The following CNTNAP4 variants were observed in gnomAD, a reference collection of about 807,000 sequenced individuals.
The protein encoded by CNTNAP4 is contactin associated protein family member 4.
In CNTNAP4, 98 loss-of-function variants were observed where a neutral mutation model predicts 148.4. The ratio of observed to expected loss-of-function variants is 0.66; its 90% CI spans 0.56 to 0.78. CNTNAP4 has a LOEUF of 0.78. CNTNAP4 is among the 30% of genes least tolerant of loss of function. The probability of loss-of-function intolerance (pLI) is 0.00; values close to 1 mark genes in which losing one functional copy is unlikely to be tolerated. For synonymous variants in CNTNAP4, 730 were observed against 565.1 expected (o/e 1.29, Z -4.14); for missense variants, 1,935 against 1,565.6 (o/e 1.24, Z -3.98).
intron 10 of CNTNAP4, among the ~76,000 whole-genome samples, chr16:76,470,786 G>A (rs749364640): frequency 6.6e-6 from 1 of 151,882 alleles, no homozygotes; most frequent in South Asian, 2.1e-4. Flanking sequence ...ACAGATAAAG[G>A]TGTAAATACA....
intron 3 of CNTNAP4, among the ~76,000 whole-genome samples, chr16:76,406,539 T>C (rs1011971794): frequency 2.0e-5 from 3 of 152,006 alleles, no homozygotes; most frequent in African/African-American, 7.2e-5. Context: ...AGCAGAAAGC[T>C]AGGCTTCTTG....
chr16:76,475,510 T>C (rs1016474921), intron 10 of CNTNAP4, among the ~76,000 whole-genome samples: 1 of 152,210 alleles, frequency 6.6e-6, no homozygotes, highest in African/African-American at 2.4e-5. Context: ...TTCCTAGAAG[T>C]ATACCTCAAG....
chr16:76,389,014 A>G (rs979093519), intron 3 of CNTNAP4, among the ~76,000 whole-genome samples: 1 of 152,256 alleles, frequency 6.6e-6, no homozygotes, highest in Non-Finnish European at 1.5e-5. Context: ...AATTAATGTT[A>G]TATATGACTA....
chr16:76,539,708 C>A lies in CNTNAP4; in HGVS notation c.3221-11C>A. 1 of 1,570,008 alleles carries A rather than the reference C, an allele frequency of 6.4e-7. No individual in the cohort carries two copies. Among genetic ancestry groups the A allele is most frequent in the Admixed American group, 2.1e-5 (1 of 48,642 alleles). ...TTTTACTAAAAGAATCACAATTTTT[C>A]CCCACTCTAGGAAGTTTGCAGATCA... is the stretch of plus-strand genomic sequence containing the variant. On this transcript the variant is annotated splice_polypyrimidine_tract_variant and intron_variant, in intron 19 of 23. Coordinates refer to ENST00000611870, the MANE Select transcript of CNTNAP4 (RefSeq NM_033401.5).
chr16:76,415,644 A>G (rs965353502), intron 3 of CNTNAP4, among the ~76,000 whole-genome samples: 1 of 150,808 alleles, frequency 6.6e-6, no homozygotes, highest in African/African-American at 2.4e-5. Flanking sequence ...ACACCTGTTT[A>G]ACCCCACAAA....
chr16:76,290,726 C>T (rs1462027245), intron 1 of CNTNAP4, among the ~76,000 whole-genome samples: 1 of 152,224 alleles, frequency 6.6e-6, no homozygotes, highest in African/African-American at 2.4e-5. Flanking sequence ...AAGCTTCACT[C>T]CTTCCCGATG....
intron 1 of CNTNAP4, among the ~76,000 whole-genome samples, chr16:76,280,414 A>G (rs1386476577): frequency 6.6e-6 from 1 of 152,194 alleles, no homozygotes; most frequent in East Asian, 1.9e-4. Context: ...GTATATGTGT[A>G]TGTAGATATC....
At chr16:76,321,279 AG>A (rs1248928061) in intron 2 of CNTNAP4, among the ~76,000 whole-genome samples, 1 of 152,242 alleles carries the variant, frequency 6.6e-6, no homozygotes, top group Non-Finnish European at 1.5e-5. Context: ...GATCTCTATA[AG>A]AATAATTATA....
intron 17 of CNTNAP4, among the ~76,000 whole-genome samples, chr16:76,529,867 G>GTGTGTT (rs1555595447): frequency 6.6e-6 from 1 of 151,922 alleles, no homozygotes; most frequent in African/African-American, 2.4e-5. Flanking sequence ...GTGTGTGTGT[G>GTGTGTT]TGTGTAAACA....
intron 17 of CNTNAP4, among the ~76,000 whole-genome samples, chr16:76,530,389 A>T (rs1418197889): frequency 6.6e-6 from 1 of 152,156 alleles, no homozygotes; most frequent in African/African-American, 2.4e-5. Flanking sequence ...GATTAGCCTA[A>T]GACGCCCCGA....
rs530507846 is a variant in CNTNAP4, at chr16:76,465,162, C to G, written c.1484-2190C>G. 2.6e-5 allele frequency among the ~76,000 whole-genome samples: 4 copies of G among 152,288 alleles called. No individual in the cohort carries two copies. In the East Asian group the frequency reaches 7.7e-4, roughly 29 times the overall value. ...AATTTATCTGTTATCCTCGGAGGTG[C>G]TTAACATGCTGACTGCCTCCAGTAA... On this transcript the variant is annotated intron_variant, in intron 9 of 23. Coordinates refer to ENST00000611870, the MANE Select transcript of CNTNAP4 (RefSeq NM_033401.5).
At chr16:76,410,811 C>G (rs896424969) in intron 3 of CNTNAP4, among the ~76,000 whole-genome samples, 4 of 151,522 alleles carry the variant, frequency 2.6e-5, no homozygotes, top group Non-Finnish European at 4.4e-5. Flanking sequence ...TTGGTGGCAA[C>G]TTAAAAAATA....
At chr16:76,368,170 T>A (rs2014379986) in intron 3 of CNTNAP4, among the ~76,000 whole-genome samples, 1 of 152,174 alleles carries the variant, frequency 6.6e-6, no homozygotes, top group Non-Finnish European at 1.5e-5. Context: ...TCCTGCACAT[T>A]CTTTGAGTTA....
intron 17 of CNTNAP4, among the ~76,000 whole-genome samples, chr16:76,528,488 C>G (rs1444609880): frequency 6.6e-6 from 1 of 152,126 alleles, no homozygotes; most frequent in African/African-American, 2.4e-5. Context: ...TGGTCTTGAA[C>G]TCCTGGGTTC....
chr16:76,540,237 A>G (rs1013692371), intron 20 of CNTNAP4, among the ~76,000 whole-genome samples: 1 of 152,166 alleles, frequency 6.6e-6, no homozygotes, highest in Non-Finnish European at 1.5e-5. Context: ...AGCAAAGAAA[A>G]TGGAATTATT....
Position 76,419,073 on chromosome 16 carries a change from C to G in CNTNAP4, c.391-8379C>G, listed in dbSNP as rs12929438. 2.0e-5 allele frequency among the ~76,000 whole-genome samples: 3 copies of G among 152,006 alleles called. No individual in the cohort carries two copies. The East Asian group carries it at 5.8e-4, about 29-fold the overall frequency. On this transcript the variant is annotated intron_variant, in intron 3 of 23. Coordinates refer to ENST00000611870, the MANE Select transcript of CNTNAP4 (RefSeq NM_033401.5). ...AAGAGGAGCAATGTTCTGTAATATT[C>G]CAACTCAATTTAAGTGTTTCAGTGG...
intron 3 of CNTNAP4, among the ~76,000 whole-genome samples, chr16:76,398,936 A>AG (rs199500377): frequency 0.015 from 2,267 of 152,050 alleles, 42 homozygotes; most frequent in African/African-American, 0.046. Flanking sequence ...CCCTGTGTCA[A>AG]GGGGGGGTCC....
intron 17 of CNTNAP4, among the ~76,000 whole-genome samples, chr16:76,533,235 A>T (rs1357457133): frequency 6.6e-6 from 1 of 152,192 alleles, no homozygotes; most frequent in Non-Finnish European, 1.5e-5. Flanking sequence ...ATAAACCAGG[A>T]ACAGAAAGTT....
At chr16:76,531,965 A>G (rs2084002818) in intron 17 of CNTNAP4, among the ~76,000 whole-genome samples, 1 of 152,148 alleles carries the variant, frequency 6.6e-6, no homozygotes, top group Non-Finnish European at 1.5e-5. Flanking sequence ...ATCTAAGCAT[A>G]TATTTCACAT....
Sources: allele counts gnomAD v4.1 joint callset (sites outside exome capture counted in the v4.1 genomes callset), GRCh38; gene constraint gnomAD v4.1.1; transcripts MANE v1.5; gene names NCBI Gene and HGNC (gene_info 2026-07-23, HGNC 2026-07-21).